COMMD1: variants seen among roughly 807,000 people sequenced by gnomAD.
COMMD1 encodes the protein COMM domain-containing protein 1.
In COMMD1, 10 loss-of-function variants were observed where a neutral mutation model predicts 17.2. The observed-to-expected ratio is 0.58, with a 90% confidence interval of 0.36 to 0.99. COMMD1 has a LOEUF of 0.99. Among genes scored for constraint, COMMD1 ranks in the 50% least tolerant of loss-of-function variants. The pLI is 0.01. For synonymous variants in COMMD1, 97 were observed against 91.6 expected (o/e 1.06, Z -0.34); for missense variants, 270 against 231.8 (o/e 1.17, Z -1.07).
intron 2 of COMMD1, among the ~76,000 whole-genome samples, chr2:62,065,754 GTCT>G (rs1361361015): frequency 1.3e-5 from 2 of 152,180 alleles, no homozygotes; most frequent in Admixed American, 1.3e-4. Flanking sequence ...TTTAGTAAAA[GTCT>G]TCAGGGTGAA....
chr2:62,074,351 G>C (rs1311347921), intron 2 of COMMD1, among the ~76,000 whole-genome samples: 1 of 152,180 alleles, frequency 6.6e-6, no homozygotes, highest in Non-Finnish European at 1.5e-5. Flanking sequence ...TCACATGGTT[G>C]GTCTTTCTGG....
intron 1 of COMMD1, among the ~76,000 whole-genome samples, chr2:61,909,593 GA>G (rs1186068088): frequency 1.3e-5 from 2 of 152,054 alleles, no homozygotes; most frequent in Non-Finnish European, 2.9e-5. Context: ...GAGGAGGCAA[GA>G]AAAAAATGAA....
intron 2 of COMMD1, among the ~76,000 whole-genome samples, chr2:62,054,138 G>T (rs539889610): frequency 3.7e-4 from 57 of 152,012 alleles, no homozygotes; most frequent in Non-Finnish European, 7.8e-4. Context: ...AATGCAAATC[G>T]AAACCACAAT....
chr2:61,948,605 A>G (rs184262927), intron 1 of COMMD1, among the ~76,000 whole-genome samples: 1 of 152,354 alleles, frequency 6.6e-6, no homozygotes, highest in African/African-American at 2.4e-5. Flanking sequence ...AGAATTCACT[A>G]GTTTAAATAT....
At chr2:61,983,183 C>T (rs1459986435) in intron 1 of COMMD1, among the ~76,000 whole-genome samples, 1 of 149,918 alleles carries the variant, frequency 6.7e-6, no homozygotes, top group Non-Finnish European at 1.5e-5. Context: ...GACTTTTTAT[C>T]ATGGCATTTT....
chr2:62,011,847 G>C (rs527996211), intron 2 of COMMD1, among the ~76,000 whole-genome samples: 1 of 152,124 alleles, frequency 6.6e-6, no homozygotes, highest in Non-Finnish European at 1.5e-5. Flanking sequence ...TTCCAACATC[G>C]TAAACTCTGT....
chr2:62,073,453 G>A (rs368980399), intron 2 of COMMD1, among the ~76,000 whole-genome samples: 58 of 152,332 alleles, frequency 3.8e-4, no homozygotes, highest in African/African-American at 1.1e-3. Flanking sequence ...TCTTTAGACA[G>A]TAGTTTTACT....
At chr2:61,930,279 C>T (rs1356376098) in intron 1 of COMMD1, among the ~76,000 whole-genome samples, 7 of 152,196 alleles carry the variant, frequency 4.6e-5, no homozygotes, top group South Asian at 4.1e-4. Context: ...CTTCTAAGGC[C>T]GGTCATGGTG....
upstream of COMMD1, chr2:61,905,619 C>A (rs927119650): frequency 2.0e-6 from 3 of 1,465,694 alleles, no homozygotes; most frequent in African/African-American, 4.2e-5. Flanking sequence ...TATTTAGGCA[C>A]ATCTCGGCCG....
chr2:62,022,448 C>CT (rs747830662), intron 2 of COMMD1, among the ~76,000 whole-genome samples: 3,141 of 84,936 alleles, frequency 0.037, 58 homozygotes, highest in Middle Eastern at 0.069. Context: ...ACCGGCGCTT[C>CT]TTTTTTTTTT....
In COMMD1 at chr2:62,058,212, C is replaced by T. The variant is rs181072716; in HGVS notation, c.462+57230C>T. On this transcript the variant is annotated intron_variant, in intron 2 of 2. Coordinates refer to ENST00000311832, the MANE Select transcript of COMMD1 (RefSeq NM_152516.4). Reference sequence around the variant, plus strand: ...TGTGAAGTTGTTAGTGTAGTATTTACAAATGTCAATTAGATTAAGTTGGTT... The same window carrying T: ...TGTGAAGTTGTTAGTGTAGTATTTATAAATGTCAATTAGATTAAGTTGGTT... 2.0e-3 allele frequency among the ~76,000 whole-genome samples: 298 copies of T among 152,302 alleles called. 1 individual carries two copies. The highest frequency in any genetic ancestry group is 6.7e-3 in the African/African-American group (280 of 41,580).
At chr2:61,936,378 T>A (rs1670608343) in intron 1 of COMMD1, among the ~76,000 whole-genome samples, 1 of 152,176 alleles carries the variant, frequency 6.6e-6, no homozygotes, top group South Asian at 2.1e-4. Flanking sequence ...CAGGGAAGCA[T>A]TCGAATATAA....
At chr2:61,969,114 A>G (rs1204954555) in intron 1 of COMMD1, 2 of 348,928 alleles carry the variant, frequency 5.7e-6, no homozygotes, top group Non-Finnish European at 1.2e-5. Context: ...GCACACCACC[A>G]CATCTGGCTT....
intron 1 of COMMD1, among the ~76,000 whole-genome samples, chr2:61,996,463 A>G (rs1668758617): frequency 1.3e-5 from 2 of 151,990 alleles, no homozygotes; most frequent in Non-Finnish European, 1.5e-5. Context: ...TAACACAACA[A>G]TGAGATTGTT....
At chr2:62,096,416 T>C (rs939574289) in intron 2 of COMMD1, among the ~76,000 whole-genome samples, 6 of 152,180 alleles carry the variant, frequency 3.9e-5, no homozygotes, top group African/African-American at 1.4e-4. Flanking sequence ...TCCTAGAGCA[T>C]TCTCATTTAT....
intron 1 of COMMD1, among the ~76,000 whole-genome samples, chr2:61,977,507 G>A (rs1228762155): frequency 6.6e-6 from 1 of 151,618 alleles, no homozygotes; most frequent in Non-Finnish European, 1.5e-5. Flanking sequence ...GCCTCCCAAA[G>A]TGCTGGGATT....
chr2:61,917,569 C>A (rs1670081526), intron 1 of COMMD1, among the ~76,000 whole-genome samples: 1 of 151,938 alleles, frequency 6.6e-6, no homozygotes. Context: ...GCTGTGTCTC[C>A]CAGGTTGGAC....
intron 1 of COMMD1, chr2:61,968,970 C>T (rs1410061324): frequency 3.5e-6 from 1 of 285,624 alleles, no homozygotes; most frequent in South Asian, 2.5e-5. Flanking sequence ...TTTTTAAAGA[C>T]AGGATCTTGC....
chr2:61,920,687 A>G (rs986686658), intron 1 of COMMD1, among the ~76,000 whole-genome samples: 5 of 152,098 alleles, frequency 3.3e-5, no homozygotes, highest in Non-Finnish European at 7.4e-5. Flanking sequence ...GGCAGAATAA[A>G]AGCCAGTAAC....
Sources: allele counts gnomAD v4.1 joint callset (sites outside exome capture counted in the v4.1 genomes callset), GRCh38; gene constraint gnomAD v4.1.1; transcripts MANE v1.5; gene names NCBI Gene and HGNC (gene_info 2026-07-23, HGNC 2026-07-21).